Variants in IRAK3 observed in about 807,000 individuals in gnomAD.
The protein encoded by IRAK3 is interleukin 1 receptor associated kinase 3.
In IRAK3, 57 loss-of-function variants were observed where a neutral mutation model predicts 56.6. The ratio of observed to expected loss-of-function variants is 1.01; its 90% confidence interval spans 0.81 to 1.26. The LOEUF is 1.26. Among genes scored for constraint, IRAK3 ranks in the 50% most tolerant of loss-of-function variants. IRAK3 has a pLI of 0.00. For synonymous variants in IRAK3, 258 were observed against 255.7 expected (o/e 1.01, Z -0.09); for missense variants, 703 against 719.0 (o/e 0.98, Z 0.25).
At chr12:66,194,371 A>G (rs900511319) in intron 1 of IRAK3, among the ~76,000 whole-genome samples, 2 of 151,258 alleles carry the variant, frequency 1.3e-5, no homozygotes, top group African/African-American at 2.4e-5. Context: ...TTTTCCTTGA[A>G]CCCCTCCAGT....
intron 2 of IRAK3, among the ~76,000 whole-genome samples, chr12:66,204,527 A>G (rs1455809809): frequency 2.6e-5 from 4 of 152,180 alleles, no homozygotes; most frequent in Non-Finnish European, 5.9e-5. Context: ...AATAAAGTTC[A>G]TGAAGTTTTC....
At chr12:66,217,293 AT>A (rs1279760745) in intron 6 of IRAK3, 58 bp downstream of exon 6, 3 of 1,236,432 alleles carry the variant, frequency 2.4e-6, no homozygotes, top group South Asian at 1.2e-5. Context: ...ATCTCTGTTC[AT>A]TTTTTATTTT....
intron 8 of IRAK3, among the ~76,000 whole-genome samples, chr12:66,236,423 C>T (rs1369719890): frequency 6.8e-6 from 1 of 147,644 alleles, no homozygotes; most frequent in Non-Finnish European, 1.5e-5. Flanking sequence ...AAAAAATTAA[C>T]CAGGCATAGT....
intron 6 of IRAK3, among the ~76,000 whole-genome samples, chr12:66,226,134 T>G (rs528320157): frequency 6.6e-6 from 1 of 152,384 alleles, no homozygotes; most frequent in South Asian, 2.1e-4. Context: ...ATTACAAATC[T>G]TTAAAAATCT....
chr12:66,212,110 C>CAA lies in IRAK3; in HGVS notation c.588+527_588+528dup, dbSNP rs11405352. Reference sequence around the variant, plus strand: ...TGGGTGATAAAGTGAGACACCACCTCAAAAAAAAAAAAAAAGACTTCTGAA... The same window carrying CAA: ...TGGGTGATAAAGTGAGACACCACCTCAAAAAAAAAAAAAAAAAGACTTCTGAA... On this transcript the variant is annotated intron_variant, in intron 5 of 11. Coordinates refer to ENST00000261233, the MANE Select transcript of IRAK3 (RefSeq NM_007199.3). Among the ~76,000 whole-genome samples the CAA allele has an allele frequency of 5.8e-3, 798 of 136,456 alleles. 2 individuals carry two copies. Among genetic ancestry groups the CAA allele is most frequent in the African/African-American group, 8.1e-3 (293 of 36,280 alleles). The allele number at this position is 136,456 out of a possible 152,430, so 89.5% of individuals were successfully genotyped here.
intron 7 of IRAK3, 30 bp downstream of exon 7, chr12:66,226,867 C>A (rs2052792356): frequency 3.1e-6 from 4 of 1,275,544 alleles, no homozygotes; most frequent in Non-Finnish European, 4.6e-6. Flanking sequence ...CTGTCTGATC[C>A]TCTGACCCCT....
chr12:66,227,165 T>C (rs144879239), intron 7 of IRAK3, among the ~76,000 whole-genome samples: 165 of 152,338 alleles, frequency 1.1e-3, no homozygotes, highest in African/African-American at 3.8e-3. Flanking sequence ...CAACTACTCT[T>C]ATTCCTTAAA....
At position 66,211,429 on chromosome 12, in the gene IRAK3, CT is replaced by C. The variant is rs1565802555; in HGVS notation, c.437-16del. The C allele has an allele frequency of 6.4e-7, 1 of 1,563,680 alleles. No homozygotes were observed. Among genetic ancestry groups the C allele is most frequent in the South Asian group, 1.1e-5 (1 of 89,742 alleles). On this transcript the variant is annotated splice_polypyrimidine_tract_variant and intron_variant, in intron 4 of 11. Coordinates refer to ENST00000261233, the MANE Select transcript of IRAK3 (RefSeq NM_007199.3). ...CCTTCTTAGCTAACTTATCTTCCCC[CT>C]ACTTTCCTTCCTAAGGAATACTGCT...
In IRAK3 at chr12:66,238,157, T is replaced by C. The variant is rs115085368; in HGVS notation, c.888-6329T>C. 2.6e-3 allele frequency among the ~76,000 whole-genome samples: 391 copies of C among 152,254 alleles called. 5 individuals are homozygous for C. Among genetic ancestry groups the C allele is most frequent in the African/African-American group, 9.1e-3 (378 of 41,534 alleles). ...AAAAATAAAGCAGGGGAGAGTATTT[T>C]CAAGATGAGGGGAACAGAATGGGGA... On this transcript the variant is annotated intron_variant, in intron 8 of 11. Transcript: ENST00000261233.
intron 8 of IRAK3, among the ~76,000 whole-genome samples, chr12:66,230,625 G>A (rs1343256154): frequency 3.4e-5 from 5 of 148,506 alleles, no homozygotes; most frequent in South Asian, 2.3e-4. Flanking sequence ...TACTGCTGGG[G>A]AACCAGAGCC....
At position 66,248,276 on chromosome 12, in the gene IRAK3, C is replaced by A; in HGVS notation, c.*105C>A. Reference sequence around the variant, plus strand: ...CCATAAGCAATGCCAAGAGAATGATCAATAGTGAGTTTGGGTGATGCAGAT... The same window carrying A: ...CCATAAGCAATGCCAAGAGAATGATAAATAGTGAGTTTGGGTGATGCAGAT... On this transcript the variant is annotated 3_prime_UTR_variant, in exon 12 of 12. Coordinates refer to ENST00000261233, the MANE Select transcript of IRAK3 (RefSeq NM_007199.3). 3 of 789,746 alleles carry A rather than the reference C, an allele frequency of 3.8e-6. No homozygotes were observed. Among genetic ancestry groups the A allele is most frequent in the Non-Finnish European group, 6.5e-6 (3 of 459,332 alleles). The allele number at this position is 789,746 out of a possible 1,614,324, so 48.9% of individuals were successfully genotyped here. A position where few individuals can be genotyped will look rare whatever the true frequency, so the allele number is the denominator to read the frequency against.
chr12:66,232,366 G>A (rs1054591608), intron 8 of IRAK3, among the ~76,000 whole-genome samples: 29 of 152,220 alleles, frequency 1.9e-4, no homozygotes, highest in African/African-American at 7.0e-4. Context: ...AAGCAAATCA[G>A]TCCCTTCCAC....
At chr12:66,231,870 T>G (rs1376205374) in intron 8 of IRAK3, among the ~76,000 whole-genome samples, 1 of 152,214 alleles carries the variant, frequency 6.6e-6, no homozygotes, top group Non-Finnish European at 1.5e-5. Flanking sequence ...GAACTAGGTT[T>G]GACAAGCTGG....
At position 66,251,104 on chromosome 12, in the gene IRAK3, T is replaced by A. The variant is rs1419428665; in HGVS notation, c.*2933T>A. On this transcript the variant is annotated 3_prime_UTR_variant, in exon 12 of 12. Transcript: ENST00000261233. ...GCACAGAGTGGGAGCTCTAGAAAGA[T>A]TGTTGACCAATCATCTTATTGACTA... The A allele has an allele frequency of 6.6e-6, 1 of 152,230 alleles. No homozygotes were observed. Among genetic ancestry groups the A allele is most frequent in the Non-Finnish European group, 1.5e-5 (1 of 68,036 alleles). The allele number at this position is 152,230 out of a possible 1,614,324, so 9.4% of individuals were successfully genotyped here.
At chr12:66,197,515 C>T in intron 1 of IRAK3, 1 of 984,926 alleles carries the variant, frequency 1.0e-6, no homozygotes. Context: ...AATGCATCAT[C>T]ATTAGAGAAA....
At chr12:66,232,827 C>T (rs1337225658) in intron 8 of IRAK3, among the ~76,000 whole-genome samples, 1 of 152,264 alleles carries the variant, frequency 6.6e-6, no homozygotes, top group Middle Eastern at 3.4e-3. Context: ...GAGAAAAGGA[C>T]ATCTCAAAAT....
chr12:66,252,579 T>A lies in IRAK3; in HGVS notation c.*4408T>A, dbSNP rs571945098. On this transcript the variant is annotated 3_prime_UTR_variant, in exon 12 of 12. Coordinates refer to ENST00000261233, the MANE Select transcript of IRAK3 (RefSeq NM_007199.3). ...CATTCATTGAATAAATACTTAGCAA[T>A]GGCTTCCTTTGTATCAGGCACTATT... 1 of 152,354 alleles carries A rather than the reference T, an allele frequency of 6.6e-6. No individual in the cohort carries two copies. The highest frequency in any genetic ancestry group is 6.5e-5 in the Admixed American group (1 of 15,298). 9.4% of individuals were successfully genotyped at this position (152,354 alleles called of 1,614,324 possible). A position where few individuals can be genotyped will look rare whatever the true frequency, so the allele number is the denominator to read the frequency against.
At chr12:66,227,198 A>C (rs893809241) in intron 7 of IRAK3, among the ~76,000 whole-genome samples, 1 of 152,200 alleles carries the variant, frequency 6.6e-6, no homozygotes, top group Admixed American at 6.5e-5. Flanking sequence ...GTATAACTTT[A>C]TTAAAGTATC....
intron 2 of IRAK3, among the ~76,000 whole-genome samples, chr12:66,206,338 C>T (rs575067398): frequency 6.6e-6 from 1 of 152,264 alleles, no homozygotes; most frequent in Admixed American, 6.5e-5. Flanking sequence ...AACATTCAGT[C>T]TTTCATGATT....
Sources: allele counts gnomAD v4.1 joint callset (sites outside exome capture counted in the v4.1 genomes callset), GRCh38; gene constraint gnomAD v4.1.1; transcripts MANE v1.5; gene names NCBI Gene and HGNC (gene_info 2026-07-23, HGNC 2026-07-21).